The following SNTG2 variants were observed in gnomAD, a reference collection of about 807,000 sequenced individuals.
The protein encoded by SNTG2 is gamma-2-syntrophin.
A neutral mutation model predicts 70.9 loss-of-function variants in SNTG2; 74 were observed. The ratio of observed to expected loss-of-function variants is 1.04; its 90% confidence interval spans 0.86 to 1.27. The LOEUF (loss-of-function observed/expected upper bound fraction) is 1.27. Among genes scored for constraint, SNTG2 ranks in the 50% most tolerant of loss-of-function variants. The pLI, the probability that SNTG2 is intolerant of heterozygous loss-of-function variation, is 0.00. For synonymous variants in SNTG2, 278 were observed against 273.8 expected (o/e 1.02, Z -0.15); for missense variants, 717 against 690.7 (o/e 1.04, Z -0.43).
At chr2:1,055,125 C>T (rs1478975599) in intron 1 of SNTG2, among the ~76,000 whole-genome samples, 2 of 152,176 alleles carry the variant, frequency 1.3e-5, no homozygotes, top group Non-Finnish European at 2.9e-5. Context: ...ATGCTGTTAA[C>T]TCTGCATTCA....
intron 4 of SNTG2, chr2:1,102,443 A>G (rs917574917): frequency 6.6e-6 from 1 of 152,414 alleles, no homozygotes; most frequent in African/African-American, 2.4e-5. Flanking sequence ...CAGAAGCCGG[A>G]TGTCCTTGGA....
intron 1 of SNTG2, among the ~76,000 whole-genome samples, chr2:971,655 A>C (rs1196295539): frequency 2.0e-5 from 3 of 146,948 alleles, no homozygotes; most frequent in Non-Finnish European, 3.0e-5. Flanking sequence ...TTTCCATTGC[A>C]TTCAGTTCAA....
chr2:1,256,696 T>G (rs1031891949), intron 12 of SNTG2: 2 of 152,158 alleles, frequency 1.3e-5, no homozygotes, highest in South Asian at 4.1e-4. Flanking sequence ...AGCATTCACA[T>G]CACATCCATG....
intron 4 of SNTG2, among the ~76,000 whole-genome samples, chr2:1,123,442 G>C (rs1030534485): frequency 1.3e-5 from 2 of 152,308 alleles, no homozygotes; most frequent in African/African-American, 4.8e-5. Flanking sequence ...AGGGCATCAG[G>C]AGGATACAAT....
intron 1 of SNTG2, among the ~76,000 whole-genome samples, chr2:989,584 C>T (rs933936280): frequency 2.0e-5 from 3 of 152,210 alleles, no homozygotes; most frequent in African/African-American, 7.2e-5. Context: ...TTTTAATCCA[C>T]TGCTGAAAAT....
At chr2:1,082,322 G>A (rs919706027) in intron 1 of SNTG2, among the ~76,000 whole-genome samples, 1 of 152,192 alleles carries the variant, frequency 6.6e-6, no homozygotes, top group Non-Finnish European at 1.5e-5. Context: ...TGCTCAGCCT[G>A]GATCTTACCT....
intron 1 of SNTG2, among the ~76,000 whole-genome samples, chr2:996,550 A>C (rs1340380822): frequency 1.3e-5 from 2 of 152,162 alleles, no homozygotes; most frequent in East Asian, 3.9e-4. Context: ...GTGTATCTAT[A>C]TATCTACATA....
chr2:1,162,435 A>G (rs1470439001), intron 6 of SNTG2, among the ~76,000 whole-genome samples: 1 of 152,186 alleles, frequency 6.6e-6, no homozygotes, highest in Non-Finnish European at 1.5e-5. Context: ...GGTGAGCTTC[A>G]TGAATCTCAA....
intron 1 of SNTG2, among the ~76,000 whole-genome samples, chr2:1,004,445 G>A (rs1373382092): frequency 1.3e-5 from 2 of 152,194 alleles, no homozygotes; most frequent in African/African-American, 4.8e-5. Context: ...CTTGTACACA[G>A]GATATACAAA....
chr2:1,094,941 C>G (rs868521775), intron 2 of SNTG2, among the ~76,000 whole-genome samples: 2 of 138,072 alleles, frequency 1.4e-5, no homozygotes, highest in Non-Finnish European at 1.5e-5. Context: ...GGACTGCAGG[C>G]GAAGGCCTTA....
intron 4 of SNTG2, among the ~76,000 whole-genome samples, chr2:1,122,738 A>G (rs1572497847): frequency 6.8e-6 from 1 of 146,204 alleles, no homozygotes; most frequent in East Asian, 2.1e-4. Flanking sequence ...AAAAAAAAAA[A>G]AAAAGGCATC....
In SNTG2 at chr2:1,015,218, G is replaced by C. The variant is rs533790428; in HGVS notation, c.72+64150G>C. Among the ~76,000 whole-genome samples the C allele has an allele frequency of 2.6e-5, 4 of 152,246 alleles. No individual in the cohort carries two copies. In the South Asian group the frequency reaches 8.3e-4, roughly 32 times the overall value. The stretch of plus-strand genomic sequence containing the variant: ...GGCAGCTGGGACCATGTTGGTGGCT[G>C]TTCAGATGCAAAGAAGTAAATGGAT... On this transcript the variant is annotated intron_variant, in intron 1 of 16. Coordinates refer to ENST00000308624, the MANE Select transcript of SNTG2 (RefSeq NM_018968.4).
At chr2:1,250,798 G>C (rs1572862861) in intron 12 of SNTG2, among the ~76,000 whole-genome samples, 1 of 152,106 alleles carries the variant, frequency 6.6e-6, no homozygotes, top group East Asian at 1.9e-4. Context: ...TCCTTTACTT[G>C]CTTTCCAGTC....
At chr2:1,182,960 G>T (rs1572669182) in intron 8 of SNTG2, among the ~76,000 whole-genome samples, 3 of 152,170 alleles carry the variant, frequency 2.0e-5, no homozygotes, top group African/African-American at 7.2e-5. Flanking sequence ...TCACCATGTT[G>T]CCCAGGCTGG....
chr2:1,042,421 G>C (rs1661491253), intron 1 of SNTG2, among the ~76,000 whole-genome samples: 1 of 152,090 alleles, frequency 6.6e-6, no homozygotes, highest in Non-Finnish European at 1.5e-5. Flanking sequence ...AGGTATGTTA[G>C]AGGGGTAAGT....
chr2:1,056,995 A>C, intron 1 of SNTG2, among the ~76,000 whole-genome samples: 1 of 129,822 alleles, frequency 7.7e-6, no homozygotes, highest in African/African-American at 2.9e-5. Context: ...CCCCGTGGGG[A>C]GGGAGGAGAG....
rs72768892 is a variant in SNTG2 at position 1,247,033 on chromosome 2, C to T, written c.889-294C>T. Among the ~76,000 whole-genome samples the T allele has an allele frequency of 3.7e-3, 559 of 152,280 alleles. 2 individuals are homozygous for T. Among genetic ancestry groups the T allele is most frequent in the Non-Finnish European group, 6.2e-3 (419 of 68,028 alleles). ...CTAATAGAATATAATTCAATACAGT[C>T]GTTTTAAAAGATAAACCAACAACTC... On this transcript the variant is annotated intron_variant, in intron 11 of 16. Transcript: ENST00000308624.
intron 1 of SNTG2, among the ~76,000 whole-genome samples, chr2:1,044,505 AGT>A (rs1661616787): frequency 6.6e-6 from 1 of 152,140 alleles, no homozygotes. Context: ...TTGCTCATTC[AGT>A]GTGTTGTTGG....
intron 8 of SNTG2, among the ~76,000 whole-genome samples, chr2:1,185,767 G>C (rs1198857804): frequency 6.6e-6 from 1 of 152,214 alleles, no homozygotes; most frequent in Non-Finnish European, 1.5e-5. Flanking sequence ...AAGACCTCTA[G>C]GTCTGTGATG....
Sources: gnomAD v4.1 joint callset for allele counts (sites outside exome capture counted in the v4.1 genomes callset) on GRCh38, gnomAD v4.1.1 for gene constraint, MANE v1.5 for transcripts, NCBI Gene and HGNC (gene_info 2026-07-23, HGNC 2026-07-21) for gene names.